Variants in EPHB1 observed in about 807,000 individuals in gnomAD.
EPHB1 encodes the protein EPH receptor B1.
Under a neutral mutation model 94.4 loss-of-function variants are expected in EPHB1, and 30 were observed. That is an observed-to-expected ratio of 0.32 (90% CI 0.24 to 0.43). The LOEUF (loss-of-function observed/expected upper bound fraction) is 0.43. Among genes scored for constraint, EPHB1 ranks in the 20% least tolerant of loss-of-function variants. EPHB1 has a pLI of 1.00. For missense variants in EPHB1, 1,055 were observed against 1,308.3 expected (o/e 0.81, Z 2.99); for synonymous variants, 522 against 489.1 (o/e 1.07, Z -0.89).
intron 1 of EPHB1, among the ~76,000 whole-genome samples, chr3:134,904,476 G>A (rs1353909730): frequency 6.6e-6 from 1 of 152,132 alleles, no homozygotes; most frequent in Non-Finnish European, 1.5e-5. Context: ...TCTGTGGTCT[G>A]TGGTCTGTGG....
chr3:135,126,010 A>G lies in EPHB1; in HGVS notation c.962-6704A>G, dbSNP rs1319136301. On this transcript the variant is annotated intron_variant, in intron 4 of 15. Coordinates refer to ENST00000398015, the MANE Select transcript of EPHB1 (RefSeq NM_004441.5). ...GTGTCACAATAACCAATGGAGAAAG[A>G]AACACTCTGGTAGAATCCTTATTTT... Among the ~76,000 whole-genome samples, 4 of 152,136 alleles carry G rather than the reference A, an allele frequency of 2.6e-5. No homozygotes were observed. The South Asian group carries it at 6.2e-4, about 24-fold the overall frequency.
At chr3:134,991,318 C>T (rs775472279) in intron 3 of EPHB1, among the ~76,000 whole-genome samples, 5 of 152,148 alleles carry the variant, frequency 3.3e-5, no homozygotes, top group Admixed American at 6.5e-5. Context: ...ACAGATGCAT[C>T]GGTGTACAGG....
chr3:135,065,156 T>C (rs1937564990), intron 3 of EPHB1, among the ~76,000 whole-genome samples: 1 of 152,152 alleles, frequency 6.6e-6, no homozygotes, highest in African/African-American at 2.4e-5. Flanking sequence ...CCGTGCACTG[T>C]TGAATAGAAT....
chr3:134,950,114 G>A (rs903450665), intron 2 of EPHB1, among the ~76,000 whole-genome samples: 4 of 152,126 alleles, frequency 2.6e-5, no homozygotes, highest in Non-Finnish European at 4.4e-5. Flanking sequence ...TGTAAATTGG[G>A]GATAATAATA....
chr3:135,145,350 G>A (rs1209411196), intron 5 of EPHB1, among the ~76,000 whole-genome samples: 1 of 152,068 alleles, frequency 6.6e-6, no homozygotes, highest in Non-Finnish European at 1.5e-5. Context: ...AAAAAAGATG[G>A]CCAGCCAGCC....
At chr3:134,862,699 C>T (rs1337227624) in intron 1 of EPHB1, among the ~76,000 whole-genome samples, 1 of 152,112 alleles carries the variant, frequency 6.6e-6, no homozygotes, top group African/African-American at 2.4e-5. Flanking sequence ...GACATGTTGC[C>T]GTGGCCATTG....
At chr3:134,859,748 G>C (rs993771009) in intron 1 of EPHB1, among the ~76,000 whole-genome samples, 1 of 152,096 alleles carries the variant, frequency 6.6e-6, no homozygotes, top group African/African-American at 2.4e-5. Flanking sequence ...GCCCTTTTCA[G>C]GTTAATGATT....
chr3:135,076,916 G>T (rs1024548968), intron 3 of EPHB1, among the ~76,000 whole-genome samples: 9 of 152,162 alleles, frequency 5.9e-5, no homozygotes, highest in Non-Finnish European at 1.3e-4. Flanking sequence ...ATAAGTGGTT[G>T]CCTAGAATTA....
At chr3:135,060,380 A>G (rs1478409677) in intron 3 of EPHB1, among the ~76,000 whole-genome samples, 1 of 152,244 alleles carries the variant, frequency 6.6e-6, no homozygotes, top group Non-Finnish European at 1.5e-5. Flanking sequence ...TGACTGAATA[A>G]TATTTGATTG....
intron 3 of EPHB1, among the ~76,000 whole-genome samples, chr3:135,042,070 A>G (rs1936864521): frequency 6.6e-6 from 1 of 152,188 alleles, no homozygotes; most frequent in South Asian, 2.1e-4. Flanking sequence ...CTGAGACTAC[A>G]GGCCTGCACC....
In EPHB1 at chr3:135,020,207, C is replaced by T. The variant is rs544129678; in HGVS notation, c.805+68155C>T. Among the ~76,000 whole-genome samples the T allele has an allele frequency of 3.3e-5, 5 of 152,292 alleles. No homozygotes were observed. The East Asian group carries it at 9.6e-4, about 29-fold the overall frequency. Reference sequence around the variant, plus strand: ...TATTACCATTTCCCCAAACATGTTACAATATTTCTTCCCGTTGGTTATTTG... The same window carrying T: ...TATTACCATTTCCCCAAACATGTTATAATATTTCTTCCCGTTGGTTATTTG... On this transcript the variant is annotated intron_variant, in intron 3 of 15. Coordinates refer to ENST00000398015, the MANE Select transcript of EPHB1 (RefSeq NM_004441.5).
chr3:135,132,595 G>A, intron 4 of EPHB1, 119 bp from the exon 5 acceptor site: 1 of 825,026 alleles, frequency 1.2e-6, no homozygotes, highest in Non-Finnish European at 1.9e-6. Context: ...TTGGGGTTGA[G>A]GAAGGAGTGG....
chr3:134,900,751 G>C (rs1396580126), intron 1 of EPHB1, among the ~76,000 whole-genome samples: 1 of 152,182 alleles, frequency 6.6e-6, no homozygotes, highest in Non-Finnish European at 1.5e-5. Context: ...GTGTATGTAG[G>C]TGTGAGGGGG....
chr3:134,819,253 A>G (rs559236836), intron 1 of EPHB1, among the ~76,000 whole-genome samples: 1 of 152,026 alleles, frequency 6.6e-6, no homozygotes, highest in Admixed American at 6.5e-5. Flanking sequence ...CTTCTGTTTG[A>G]TGTGTGTCCT....
At chr3:135,078,793 C>T (rs1938042015) in intron 3 of EPHB1, among the ~76,000 whole-genome samples, 1 of 152,228 alleles carries the variant, frequency 6.6e-6, no homozygotes, top group Admixed American at 6.5e-5. Flanking sequence ...ATTTTAACAT[C>T]TCTCATATGC....
At position 135,053,027 on chromosome 3, in the gene EPHB1, GTATATATATATA is replaced by G. The variant is rs1243029809; in HGVS notation, c.806-53404_806-53393del. Among the ~76,000 whole-genome samples the G allele has an allele frequency of 1.5e-4, 17 of 110,464 alleles. 1 individual carries two copies. The East Asian group carries it at 4.2e-3, about 27-fold the overall frequency. 72.5% of individuals were successfully genotyped at this position (110,464 alleles called of 152,430 possible). A position where few individuals can be genotyped will look rare whatever the true frequency, so the allele number is the denominator to read the frequency against. On this transcript the variant is annotated intron_variant, in intron 3 of 15. Transcript: ENST00000398015. ...TGTGTATATATATGTGTGTGTGTGT[GTATATATATATA>G]TATATATATATATATAAAGTTGGTG...
intron 3 of EPHB1, among the ~76,000 whole-genome samples, chr3:134,952,558 G>T (rs1486162675): frequency 6.6e-6 from 1 of 152,110 alleles, no homozygotes; most frequent in Non-Finnish European, 1.5e-5. Context: ...ACTCAACTTG[G>T]TACTGAACCC....
chr3:135,177,876 C>T (rs1576448121), intron 9 of EPHB1, among the ~76,000 whole-genome samples: 1 of 152,176 alleles, frequency 6.6e-6, no homozygotes, highest in African/African-American at 2.4e-5. Flanking sequence ...CCCCCATCTC[C>T]ATTTTTCTCT....
chr3:135,005,286 G>A (rs1421383922), intron 3 of EPHB1, among the ~76,000 whole-genome samples: 5 of 152,220 alleles, frequency 3.3e-5, no homozygotes, highest in Admixed American at 2.6e-4. Context: ...TCAGGGTCAG[G>A]GACCCACTTG....
Sources: gnomAD v4.1 joint callset for allele counts (sites outside exome capture counted in the v4.1 genomes callset) on GRCh38, gnomAD v4.1.1 for gene constraint, MANE v1.5 for transcripts, NCBI Gene and HGNC (gene_info 2026-07-23, HGNC 2026-07-21) for gene names.